VPS35L: variants seen among roughly 807,000 people sequenced by gnomAD.
The protein encoded by VPS35L is VPS35 endosomal protein-sorting factor-like.
Under a neutral mutation model 133.0 loss-of-function variants are expected in VPS35L, and 83 were observed. The observed-to-expected ratio is 0.62, with a 90% CI of 0.52 to 0.75. VPS35L has a LOEUF of 0.75. Among genes scored for constraint, VPS35L ranks in the 30% least tolerant of loss-of-function variants. The probability of loss-of-function intolerance (pLI) is 0.00; values close to 1 mark genes in which losing one functional copy is unlikely to be tolerated. For synonymous variants in VPS35L, 423 were observed against 449.9 expected, an observed-to-expected ratio of 0.94 and a Z score of 0.76; for missense variants, 1,083 against 1,206.8, an observed-to-expected ratio of 0.90 and a Z score of 1.52.
At position 19,682,362 on chromosome 16, in the gene VPS35L, G is replaced by A; in HGVS notation, c.2499G>A (p.Gln833=). The change falls in exon 28 of 31, where the codon CAG becomes CAA. Residue 833 remains glutamine (Q), a synonymous_variant. Transcript: ENST00000417362. The part of the protein sequence containing the change: ...CVLHLLSAMS[Q]ETYLYHIDKV... ...TGCATCTCCTCTCCGCCATGAGCCA[G>A]GAGACGTACCTTTACCACATAGACA... is the stretch of plus-strand genomic sequence containing the variant. 6.2e-7 allele frequency: 1 copy of A among 1,614,204 alleles called. No homozygotes were observed.
intron 29 of VPS35L, among the ~76,000 whole-genome samples, chr16:19,698,372 T>G (rs1172012735): frequency 2.6e-5 from 4 of 152,164 alleles, no homozygotes; most frequent in Admixed American, 1.3e-4. Context: ...TCTCTTCCAC[T>G]GCTTGTCTCT....
chr16:19,557,597 G>A (rs72767547), intron 1 of VPS35L, among the ~76,000 whole-genome samples: 22,660 of 151,854 alleles, frequency 0.15, 2,435 homozygotes, highest in East Asian at 0.4. Flanking sequence ...TGGCCAGGCT[G>A]GTCTCGAACT....
intron 12 of VPS35L, chr16:19,610,682 A>G: frequency 6.6e-6 from 2 of 301,324 alleles, no homozygotes; most frequent in Non-Finnish European, 1.2e-5. Flanking sequence ...TTCAGAAGTA[A>G]TTGTTTCTCA....
chr16:19,582,174 A>G (rs1000938292), intron 7 of VPS35L: 3 of 152,590 alleles, frequency 2.0e-5, no homozygotes, highest in Non-Finnish European at 4.4e-5. Flanking sequence ...TTGTTAAGCC[A>G]GTGACAATTC....
At chr16:19,645,383 G>A (rs888034074) in intron 23 of VPS35L, among the ~76,000 whole-genome samples, 2 of 151,182 alleles carry the variant, frequency 1.3e-5, no homozygotes, top group African/African-American at 4.9e-5. Flanking sequence ...TCCGCCTCCC[G>A]GGTTCACGCC....
chr16:19,626,312 GAA>G, intron 15 of VPS35L, 89 bp downstream of exon 15: 1 of 947,888 alleles, frequency 1.1e-6, no homozygotes, highest in South Asian at 1.3e-5. Flanking sequence ...GGTATGAGCT[GAA>G]GAGAGAGAGG....
At chr16:19,602,465 A>G (rs747777013) in intron 9 of VPS35L, among the ~76,000 whole-genome samples, 36 of 151,588 alleles carry the variant, frequency 2.4e-4, no homozygotes, top group Non-Finnish European at 4.7e-4. Flanking sequence ...CTATAACCTG[A>G]CCTATATTCT....
intron 27 of VPS35L, among the ~76,000 whole-genome samples, chr16:19,673,197 A>T (rs1395066460): frequency 6.6e-6 from 1 of 152,250 alleles, no homozygotes; most frequent in Non-Finnish European, 1.5e-5. Context: ...TGATGTCTGG[A>T]GGGCAGATCC....
chr16:19,669,290 A>G lies in VPS35L; in HGVS notation c.2352A>G (p.Leu784=), dbSNP rs768151974. The change falls in exon 27 of 31, where the codon TTA becomes TTG. Residue 784 remains leucine (L), a synonymous_variant. Transcript: ENST00000417362. ...TCTGCAATTTCTTTTCTACTTTATT[A>G]ATAGTTCCGGTACGTTTCCTCAGCA... ...EFLCNFFSTL[L]IVPDHPEHGV... 2 of 1,610,588 alleles carry G rather than the reference A, an allele frequency of 1.2e-6. No individual in the cohort carries two copies. Among genetic ancestry groups the G allele is most frequent in the South Asian group, 2.2e-5 (2 of 90,698 alleles).
intron 26 of VPS35L, among the ~76,000 whole-genome samples, chr16:19,654,155 C>A (rs1218382599): frequency 6.6e-6 from 1 of 152,076 alleles, no homozygotes; most frequent in African/African-American, 2.4e-5. Flanking sequence ...AATTACAAGG[C>A]AGATGGTGAG....
chr16:19,587,797 C>CT lies in VPS35L; in HGVS notation c.640-3973dup, dbSNP rs775544331. The stretch of plus-strand genomic sequence containing the variant: ...AATCCTTATGCCAGTTCCACATTGT[C>CT]TTTTTTTTTTTTTTTTTTTTGAGAC... On this transcript the variant is annotated intron_variant, in intron 7 of 30. Coordinates refer to ENST00000417362, the MANE Select transcript of VPS35L (RefSeq NM_020314.7). Among the ~76,000 whole-genome samples, 538 of 118,928 alleles carry CT rather than the reference C, an allele frequency of 4.5e-3. 14 individuals are homozygous for CT. Among genetic ancestry groups the CT allele is most frequent in the Middle Eastern group, 8.3e-3 (2 of 242 alleles). 78.0% of individuals were successfully genotyped at this position (118,928 alleles called of 152,430 possible). A position where few individuals can be genotyped will look rare whatever the true frequency, so the allele number is the denominator to read the frequency against.
chr16:19,640,807 A>AC (rs1973763563), intron 21 of VPS35L, among the ~76,000 whole-genome samples: 1 of 152,320 alleles, frequency 6.6e-6, no homozygotes, highest in Admixed American at 6.5e-5. Flanking sequence ...GTGCAGTGGC[A>AC]CAATTACGGT....
intron 4 of VPS35L, among the ~76,000 whole-genome samples, chr16:19,573,962 T>A (rs36109220): frequency 0.12 from 18,698 of 152,124 alleles, 1,297 homozygotes; most frequent in Middle Eastern, 0.18. Context: ...GGCCATTAGG[T>A]GAAGTAGTTG....
Position 19,656,263 on chromosome 16 carries a change from CAA to C in VPS35L, c.2221+4190_2221+4191del, listed in dbSNP as rs34467290. ...TGGGCAACAAAGCGAGACTCTGTCTCAAAAAAAAAAAAAAAAAAGAAAGAAAA... is the reference window on the plus strand; with the variant it reads ...TGGGCAACAAAGCGAGACTCTGTCTCAAAAAAAAAAAAAAAAGAAAGAAAA... On this transcript the variant is annotated intron_variant, in intron 26 of 30. Transcript: ENST00000417362. 4.7e-3 allele frequency among the ~76,000 whole-genome samples: 382 copies of C among 81,076 alleles called. 3 individuals are homozygous for C. Among genetic ancestry groups the C allele is most frequent in the African/African-American group, 0.016 (305 of 19,524 alleles). The allele number at this position is 81,076 out of a possible 152,430, so 53.2% of individuals were successfully genotyped here.
At chr16:19,695,007 G>GA (rs556649295) in intron 29 of VPS35L, among the ~76,000 whole-genome samples, 26,419 of 130,204 alleles carry the variant, frequency 0.2, 2,551 homozygotes, top group South Asian at 0.29. Context: ...CTCTGTTTCA[G>GA]AAAAAAAAAA....
intron 26 of VPS35L, among the ~76,000 whole-genome samples, chr16:19,668,475 CCT>C (rs763984107): frequency 6.6e-5 from 10 of 152,280 alleles, no homozygotes; most frequent in South Asian, 2.1e-4. Context: ...TCCTTTTCTT[CCT>C]CTCTTACTCC....
chr16:19,695,242 C>A (rs990256086), intron 29 of VPS35L, among the ~76,000 whole-genome samples: 1 of 152,128 alleles, frequency 6.6e-6, no homozygotes, highest in Admixed American at 6.5e-5. Flanking sequence ...GTCTTCATAC[C>A]GAGGCAATAG....
intron 25 of VPS35L, 73 bp downstream of exon 25, chr16:19,650,532 C>A: frequency 1.7e-6 from 2 of 1,201,994 alleles, no homozygotes; most frequent in Admixed American, 1.8e-5. Context: ...TACTAAATTA[C>A]ATTTCCCAGA....
Position 19,699,687 on chromosome 16 carries a change from G to A in VPS35L, c.2793+39G>A. The A allele has an allele frequency of 3.1e-6, 5 of 1,607,692 alleles. No homozygotes were observed. Among genetic ancestry groups the A allele is most frequent in the Non-Finnish European group, 4.2e-6 (5 of 1,179,476 alleles). On this transcript the variant is annotated intron_variant, in intron 30 of 30. Transcript: ENST00000417362. The surrounding 1 kb of genome is among the most constrained non-coding windows in gnomAD (Gnocchi z 4.2). ...AGGGCCCCGTGGTATAAGCCCACTG[G>A]CCAGTGCACAACCACCCTCAACACA...
Sources: gnomAD v4.1 joint callset for allele counts (sites outside exome capture counted in the v4.1 genomes callset) on GRCh38, gnomAD v4.1.1 for gene constraint, Gnocchi (gnomAD v3.1) non-coding constraint, MANE v1.5 for transcripts, NCBI Gene and HGNC (gene_info 2026-07-23, HGNC 2026-07-21) for gene names.